IL1RAPL1: variants seen among roughly 807,000 people sequenced by gnomAD.
IL1RAPL1 encodes the protein interleukin 1 receptor accessory protein like 1.
Under a neutral mutation model 48.4 loss-of-function variants are expected in IL1RAPL1, and 3 were observed. That is an observed-to-expected ratio of 0.06 (90% CI 0.03 to 0.16). IL1RAPL1 has a LOEUF of 0.16. IL1RAPL1 is among the 10% of genes least tolerant of loss of function. IL1RAPL1 has a pLI of 1.00. For synonymous variants in IL1RAPL1, 185 were observed against 187.7 expected (o/e 0.99, Z 0.12); for missense variants, 349 against 530.6 (o/e 0.66, Z 3.36).
chrX:29,371,562 G>A (rs190306816), intron 3 of IL1RAPL1, among the ~76,000 whole-genome samples: 1 of 111,819 alleles, frequency 8.9e-6, no homozygotes, highest in Non-Finnish European at 1.9e-5. Context: ...CATAGTACCC[G>A]ATAGGTAGTT....
chrX:28,906,411 G>A (rs1923217660), intron 2 of IL1RAPL1, among the ~76,000 whole-genome samples: 2 of 112,159 alleles, frequency 1.8e-5, no homozygotes, highest in Admixed American at 1.9e-4. Flanking sequence ...CAGTAAGTGG[G>A]AGTGTGGTAG....
intron 5 of IL1RAPL1, among the ~76,000 whole-genome samples, chrX:29,407,101 T>C (rs994257669): frequency 1.2e-4 from 13 of 111,743 alleles, no homozygotes; most frequent in African/African-American, 4.2e-4. Context: ...AATAATAACA[T>C]ATATAACCAA....
intron 2 of IL1RAPL1, among the ~76,000 whole-genome samples, chrX:28,867,410 A>G (rs1601937698): frequency 2.7e-5 from 3 of 111,810 alleles, no homozygotes; most frequent in African/African-American, 9.8e-5. Context: ...AGGCGGCAGA[A>G]GTTTGTTCTC....
intron 2 of IL1RAPL1, among the ~76,000 whole-genome samples, chrX:29,282,083 A>G (rs1306548140): frequency 1.8e-5 from 2 of 111,066 alleles, no homozygotes; most frequent in East Asian, 5.7e-4. Context: ...TCTAACCCTA[A>G]TTACCTCCCA....
intron 2 of IL1RAPL1, among the ~76,000 whole-genome samples, chrX:29,109,660 TTG>T (rs1195873618): frequency 1.8e-5 from 2 of 110,932 alleles, no homozygotes; most frequent in Non-Finnish European, 3.8e-5. Flanking sequence ...GTTGTGGACA[TTG>T]AGTATATAGT....
At chrX:29,174,042 TC>T (rs765595344) in intron 2 of IL1RAPL1, among the ~76,000 whole-genome samples, 1 of 110,105 alleles carries the variant, frequency 9.1e-6, no homozygotes, top group East Asian at 2.9e-4. Context: ...TGCCTCAGCC[TC>T]CCGAGTAGCT....
chrX:28,793,461 C>T (rs181334724), intron 2 of IL1RAPL1, among the ~76,000 whole-genome samples: 182 of 110,271 alleles, frequency 1.7e-3, no homozygotes, highest in East Asian at 0.015. Context: ...TTTCATATTC[C>T]CACTGTGTCT....
chrX:29,595,768 T>C (rs1253212347), intron 5 of IL1RAPL1, among the ~76,000 whole-genome samples: 1 of 112,312 alleles, frequency 8.9e-6, no homozygotes, highest in East Asian at 2.8e-4. Context: ...TCTTTGTTTT[T>C]GTTGCATTTG....
intron 2 of IL1RAPL1, among the ~76,000 whole-genome samples, chrX:28,990,044 C>T (rs1232881059): frequency 9.1e-6 from 1 of 110,409 alleles, no homozygotes; most frequent in African/African-American, 3.3e-5. Context: ...TTTTTATGTT[C>T]TGAATTTTAA....
chrX:28,863,774 A>G (rs1922010127), intron 2 of IL1RAPL1, among the ~76,000 whole-genome samples: 1 of 111,715 alleles, frequency 9.0e-6, no homozygotes, highest in South Asian at 3.7e-4. Flanking sequence ...TGCATATTGC[A>G]TATATAAGGG....
intron 6 of IL1RAPL1, among the ~76,000 whole-genome samples, chrX:29,878,842 A>T (rs1430689273): frequency 9.0e-6 from 1 of 111,440 alleles, no homozygotes; most frequent in Non-Finnish European, 1.9e-5. Context: ...AATATATTGT[A>T]TCTCTTAGAT....
At chrX:29,291,245 G>A (rs989465801) in intron 3 of IL1RAPL1, among the ~76,000 whole-genome samples, 4 of 110,945 alleles carry the variant, frequency 3.6e-5, no homozygotes, top group Non-Finnish European at 7.5e-5. Flanking sequence ...TAAATAGTGA[G>A]ATAGGGATAA....
intron 2 of IL1RAPL1, among the ~76,000 whole-genome samples, chrX:29,263,037 A>G (rs1216807294): frequency 9.0e-6 from 1 of 111,643 alleles, no homozygotes; most frequent in Admixed American, 9.6e-5. Context: ...TTTTTTTTCT[A>G]CCAGATGCTC....
chrX:28,885,131 C>T (rs1028680094), intron 2 of IL1RAPL1, among the ~76,000 whole-genome samples: 2 of 111,302 alleles, frequency 1.8e-5, no homozygotes, highest in African/African-American at 3.3e-5. Flanking sequence ...AAAAATGCTT[C>T]GTATCCACAA....
chrX:29,374,599 G>A (rs964818907), intron 3 of IL1RAPL1, among the ~76,000 whole-genome samples: 3 of 109,464 alleles, frequency 2.7e-5, no homozygotes, highest in African/African-American at 6.6e-5. Context: ...AGGAGATGCC[G>A]TACAAAGATT....
At chrX:29,132,052 A>G (rs181747065) in intron 2 of IL1RAPL1, among the ~76,000 whole-genome samples, 4 of 111,686 alleles carry the variant, frequency 3.6e-5, no homozygotes, top group Non-Finnish European at 7.5e-5. Flanking sequence ...TATTCCTTGT[A>G]GTGTAAATAT....
intron 6 of IL1RAPL1, among the ~76,000 whole-genome samples, chrX:29,773,643 C>G (rs1028017144): frequency 1.8e-5 from 2 of 111,683 alleles, no homozygotes; most frequent in African/African-American, 6.5e-5. Flanking sequence ...CAGGCTGTAG[C>G]AAAATAACAA....
At chrX:29,105,283 C>T (rs1311426869) in intron 2 of IL1RAPL1, among the ~76,000 whole-genome samples, 1 of 111,724 alleles carries the variant, frequency 9.0e-6, no homozygotes, top group Non-Finnish European at 1.9e-5. Flanking sequence ...GCATATCAAA[C>T]CTTTTTAAAC....
chrX:29,550,809 G>A (rs1921790679), intron 5 of IL1RAPL1, among the ~76,000 whole-genome samples: 1 of 111,878 alleles, frequency 8.9e-6, no homozygotes, highest in Non-Finnish European at 1.9e-5. Context: ...GTGGGTGATT[G>A]TTTTTACTGT....
Sources: gnomAD v4.1 joint callset for allele counts (sites outside exome capture counted in the v4.1 genomes callset) on GRCh38, gnomAD v4.1.1 for gene constraint, MANE v1.5 for transcripts, NCBI Gene and HGNC (gene_info 2026-07-23, HGNC 2026-07-21) for gene names.